SPAG16: variants seen among roughly 807,000 people sequenced by gnomAD.
The protein encoded by SPAG16 is sperm associated antigen 16, also known as sperm-associated antigen 16 protein.
A neutral mutation model predicts 80.4 loss-of-function variants in SPAG16; 86 were observed. The ratio of observed to expected loss-of-function variants is 1.07; its 90% confidence interval spans 0.90 to 1.28. SPAG16 has a LOEUF of 1.28. Ranked by LOEUF, SPAG16 falls within the 50% of genes most tolerant of loss-of-function variation. The pLI is 0.00. For synonymous variants in SPAG16, 294 were observed against 265.9 expected (o/e 1.11, Z -1.03); for missense variants, 870 against 765.3 (o/e 1.14, Z -1.61).
chr2:214,384,790 TAGA>T (rs1413282067), intron 15 of SPAG16, among the ~76,000 whole-genome samples: 2 of 152,242 alleles, frequency 1.3e-5, no homozygotes, highest in African/African-American at 4.8e-5. Context: ...AGTGGCAATG[TAGA>T]AGAATAACTA....
chr2:214,129,038 T>A (rs2054628324), intron 14 of SPAG16, among the ~76,000 whole-genome samples: 1 of 150,802 alleles, frequency 6.6e-6, no homozygotes, highest in African/African-American at 2.4e-5. Flanking sequence ...TCTTTTCGTG[T>A]TCCCTCTAAT....
At chr2:213,712,932 T>C (rs180765804) in intron 10 of SPAG16, among the ~76,000 whole-genome samples, 35 of 152,194 alleles carry the variant, frequency 2.3e-4, no homozygotes, top group African/African-American at 8.0e-4. Flanking sequence ...GGCTGGGTAA[T>C]TTATAAAGAA....
intron 15 of SPAG16, chr2:214,240,217 C>G (rs913711444): frequency 1.3e-5 from 2 of 152,212 alleles, no homozygotes; most frequent in Admixed American, 1.3e-4. Context: ...TCTAATCCAG[C>G]ATTCTCAAAG....
intron 10 of SPAG16, among the ~76,000 whole-genome samples, chr2:213,793,082 G>C (rs929507423): frequency 1.3e-5 from 2 of 151,854 alleles, no homozygotes; most frequent in Non-Finnish European, 1.5e-5. Flanking sequence ...GCCTGCCACC[G>C]CGCCCAGCTA....
chr2:213,426,135 G>A (rs1174029115), intron 9 of SPAG16, among the ~76,000 whole-genome samples: 2 of 152,048 alleles, frequency 1.3e-5, no homozygotes, highest in Non-Finnish European at 2.9e-5. Flanking sequence ...ACAATATTCT[G>A]TACTTATTTT....
intron 13 of SPAG16, among the ~76,000 whole-genome samples, chr2:214,022,134 G>A (rs560671966): frequency 1.3e-5 from 2 of 152,072 alleles, no homozygotes; most frequent in African/African-American, 4.8e-5. Context: ...TGGCGAATGA[G>A]ACATTTTTTT....
chr2:213,925,819 A>G (rs1219242187), intron 11 of SPAG16, among the ~76,000 whole-genome samples: 1 of 152,242 alleles, frequency 6.6e-6, no homozygotes, highest in Admixed American at 6.5e-5. Context: ...AAATATATAT[A>G]AAGAGCTTAT....
At position 213,617,586 on chromosome 2, in the gene SPAG16, C is replaced by T. The variant is rs548064957; in HGVS notation, c.1070+127496C>T. ...TGAACTCCTGACCTCAGGCAATCTGCCCACCTTGGCCTACAAAGTGCTGAG... is the reference window on the plus strand; with the variant it reads ...TGAACTCCTGACCTCAGGCAATCTGTCCACCTTGGCCTACAAAGTGCTGAG... On this transcript the variant is annotated intron_variant, in intron 10 of 15. Coordinates refer to ENST00000331683, the MANE Select transcript of SPAG16 (RefSeq NM_024532.5). Among the ~76,000 whole-genome samples, 10 of 152,314 alleles carry T rather than the reference C, an allele frequency of 6.6e-5. No individual in the cohort carries two copies. The East Asian group carries it at 1.9e-3, about 29-fold the overall frequency.
intron 10 of SPAG16, among the ~76,000 whole-genome samples, chr2:213,523,465 A>T (rs181118881): frequency 3.9e-5 from 6 of 152,328 alleles, no homozygotes; most frequent in African/African-American, 1.4e-4. Flanking sequence ...CTATAAAGAT[A>T]CCCAAAAATG....
intron 14 of SPAG16, among the ~76,000 whole-genome samples, chr2:214,109,772 C>A (rs1183793452): frequency 6.6e-6 from 1 of 152,090 alleles, no homozygotes; most frequent in Admixed American, 6.6e-5. Context: ...TAGATTAGTT[C>A]TAGATACCAA....
chr2:214,169,711 C>A (rs2372227), intron 15 of SPAG16, among the ~76,000 whole-genome samples: 36,421 of 151,952 alleles, frequency 0.24, 4,881 homozygotes, highest in Middle Eastern at 0.32. Context: ...GGGAGCCTCA[C>A]TACACTGACT....
At chr2:213,622,430 G>C (rs1289660263) in intron 10 of SPAG16, among the ~76,000 whole-genome samples, 1 of 152,118 alleles carries the variant, frequency 6.6e-6, no homozygotes, top group Non-Finnish European at 1.5e-5. Context: ...CTTTCCTGCT[G>C]TATAAACTCC....
intron 11 of SPAG16, among the ~76,000 whole-genome samples, chr2:213,901,529 A>C (rs544757246): frequency 7.2e-5 from 11 of 152,218 alleles, no homozygotes; most frequent in African/African-American, 2.6e-4. Context: ...AATTCAGTAA[A>C]AGTAATTCTA....
chr2:213,711,632 C>T (rs1034882679), intron 10 of SPAG16, among the ~76,000 whole-genome samples: 3 of 151,658 alleles, frequency 2.0e-5, no homozygotes, highest in African/African-American at 7.3e-5. Flanking sequence ...CAATTCACCT[C>T]CCTTAGCCTC....
chr2:214,106,717 C>G (rs574098903), intron 13 of SPAG16, among the ~76,000 whole-genome samples: 144 of 152,118 alleles, frequency 9.5e-4, no homozygotes, highest in African/African-American at 3.2e-3. Context: ...TCTCTCCCAG[C>G]CTTCAAAGAT....
intron 10 of SPAG16, among the ~76,000 whole-genome samples, chr2:213,818,864 C>G (rs994955514): frequency 3.9e-5 from 6 of 152,098 alleles, no homozygotes; most frequent in African/African-American, 9.7e-5. Flanking sequence ...GAAGAAGGTG[C>G]CTGCTTCCCC....
At chr2:214,161,051 T>C (rs1178922561) in intron 15 of SPAG16, among the ~76,000 whole-genome samples, 1 of 152,066 alleles carries the variant, frequency 6.6e-6, no homozygotes, top group Non-Finnish European at 1.5e-5. Flanking sequence ...GAACATGAAG[T>C]GTTTGGTTTT....
chr2:213,380,999 C>A (rs753311005), intron 9 of SPAG16, among the ~76,000 whole-genome samples: 4 of 152,160 alleles, frequency 2.6e-5, no homozygotes, highest in Non-Finnish European at 4.4e-5. Context: ...TAAGATTTTA[C>A]TAATTGACTA....
At chr2:214,119,957 A>T (rs1412809266) in intron 14 of SPAG16, among the ~76,000 whole-genome samples, 1 of 151,946 alleles carries the variant, frequency 6.6e-6, no homozygotes, top group Non-Finnish European at 1.5e-5. Flanking sequence ...CATACATTTT[A>T]ATATCTTGCA....
Sources: gnomAD v4.1 joint callset for allele counts (sites outside exome capture counted in the v4.1 genomes callset) on GRCh38, gnomAD v4.1.1 for gene constraint, MANE v1.5 for transcripts, NCBI Gene and HGNC (gene_info 2026-07-23, HGNC 2026-07-21) for gene names.